Variants in FAT3 observed in about 807,000 individuals in gnomAD.
FAT3 encodes the protein FAT atypical cadherin 3, also known as protocadherin Fat 3.
Under a neutral mutation model 310.2 loss-of-function variants are expected in FAT3, and 95 were observed. That is an observed-to-expected ratio of 0.31 (90% confidence interval 0.26 to 0.36). The LOEUF (loss-of-function observed/expected upper bound fraction) is 0.36, where lower values mean the gene tolerates loss of function less well. Among genes scored for constraint, FAT3 ranks in the 10% least tolerant of loss-of-function variants. The pLI, the probability that FAT3 is intolerant of heterozygous loss-of-function variation, is 1.00. For missense variants in FAT3, 5,408 were observed against 5,715.6 expected (o/e 0.95, Z 1.74); for synonymous variants, 2,314 against 2,192.9 (o/e 1.06, Z -1.54).
intron 24 of FAT3, among the ~76,000 whole-genome samples, chr11:92,885,918 C>G (rs561368465): frequency 6.6e-6 from 1 of 152,222 alleles, no homozygotes; most frequent in Admixed American, 6.5e-5. Context: ...CCTGTGGCCT[C>G]AGCCTCTGAC....
At chr11:92,306,717 T>TATATATATAA (rs1228836595) in intron 1 of FAT3, among the ~76,000 whole-genome samples, 3 of 119,778 alleles carry the variant, frequency 2.5e-5, no homozygotes, top group Non-Finnish European at 5.0e-5. Flanking sequence ...TATATATATT[T>TATATATATAA]ATATATTATA....
intron 3 of FAT3, among the ~76,000 whole-genome samples, chr11:92,584,422 G>A (rs553382724): frequency 1.3e-5 from 2 of 152,098 alleles, no homozygotes; most frequent in African/African-American, 2.4e-5. Flanking sequence ...TTTTGAGTTG[G>A]CATTTTAGCT....
chr11:92,521,490 T>C (rs1046676353), intron 2 of FAT3, among the ~76,000 whole-genome samples: 2 of 150,406 alleles, frequency 1.3e-5, no homozygotes, highest in East Asian at 3.9e-4. Flanking sequence ...TTGGTTCACA[T>C]AGATTTAACA....
At chr11:92,431,244 C>G (rs1950765901) in intron 2 of FAT3, among the ~76,000 whole-genome samples, 1 of 152,194 alleles carries the variant, frequency 6.6e-6, no homozygotes, top group Non-Finnish European at 1.5e-5. Context: ...TTTTGATTTG[C>G]ATTTCTCTGA....
chr11:92,662,493 T>C (rs376866764), intron 3 of FAT3, among the ~76,000 whole-genome samples: 4 of 152,208 alleles, frequency 2.6e-5, no homozygotes, highest in African/African-American at 9.7e-5. Context: ...ACAACTGAGG[T>C]TACAGCCTGG....
chr11:92,796,131 C>T (rs987689117), intron 9 of FAT3, among the ~76,000 whole-genome samples: 3 of 151,724 alleles, frequency 2.0e-5, no homozygotes, highest in African/African-American at 7.3e-5. Flanking sequence ...GGAAGGTGAC[C>T]ATTGCTTAGG....
chr11:92,885,418 G>A lies in FAT3; in HGVS notation c.12938-1582G>A, dbSNP rs143352351. On this transcript the variant is annotated intron_variant, in intron 24 of 27. Coordinates refer to ENST00000525166, the MANE Select transcript of FAT3 (RefSeq NM_001367949.2). Reference sequence around the variant, plus strand: ...GTGCTCTTACCAGCACTGTTCTTGGGAGCTTTGGCAGGAAGGAGGGTGAGC... The same window carrying A: ...GTGCTCTTACCAGCACTGTTCTTGGAAGCTTTGGCAGGAAGGAGGGTGAGC... Among the ~76,000 whole-genome samples, 659 of 152,268 alleles carry A rather than the reference G, an allele frequency of 4.3e-3. 6 individuals carry two copies. The highest frequency in any genetic ancestry group is 7.5e-3 in the Admixed American group (114 of 15,298).
chr11:92,534,169 A>C (rs1364121153), intron 3 of FAT3, among the ~76,000 whole-genome samples: 1 of 152,046 alleles, frequency 6.6e-6, no homozygotes, highest in Non-Finnish European at 1.5e-5. Context: ...ATCAAGTATG[A>C]AGGGATGGTG....
intron 2 of FAT3, among the ~76,000 whole-genome samples, chr11:92,452,530 A>G (rs930120873): frequency 5.9e-5 from 9 of 152,146 alleles, no homozygotes; most frequent in African/African-American, 1.9e-4. Context: ...GGTAGAGAAT[A>G]TGGCAGAGAA....
intron 7 of FAT3, among the ~76,000 whole-genome samples, chr11:92,780,038 T>A (rs74872091): frequency 6.6e-6 from 1 of 152,048 alleles, no homozygotes. Flanking sequence ...GGGGCAGTCA[T>A]CCCCAGAGCT....
At chr11:92,457,567 A>T (rs771716904) in intron 2 of FAT3, among the ~76,000 whole-genome samples, 44 of 152,224 alleles carry the variant, frequency 2.9e-4, no homozygotes, top group Non-Finnish European at 4.7e-4. Context: ...AAAAATCACC[A>T]TATCCAAATT....
chr11:92,621,317 T>A (rs1008463313), intron 3 of FAT3, among the ~76,000 whole-genome samples: 1 of 152,232 alleles, frequency 6.6e-6, no homozygotes, highest in African/African-American at 2.4e-5. Flanking sequence ...ATTTATATTA[T>A]GCAGAAGGTG....
chr11:92,613,623 A>C (rs904245061), intron 3 of FAT3, among the ~76,000 whole-genome samples: 1 of 152,118 alleles, frequency 6.6e-6, no homozygotes, highest in Non-Finnish European at 1.5e-5. Context: ...CCCATCTTCT[A>C]GCCTCTGTTT....
intron 3 of FAT3, among the ~76,000 whole-genome samples, chr11:92,578,453 A>G (rs904737481): frequency 5.3e-5 from 8 of 152,106 alleles, no homozygotes; most frequent in Non-Finnish European, 1.2e-4. Context: ...AAACATAGGG[A>G]ACATAAGTAA....
rs1382204927 is a variant in FAT3, at chr11:92,882,960, G to C, written c.12504G>C (p.Leu4168=). The change falls in exon 24 of 28, where the codon CTG becomes CTC. Residue 4168 remains leucine, a synonymous_variant. Transcript: ENST00000525166. ...IAVVLFVIFI[L]VVLFIVFRKK... is the part of the protein sequence containing the mutation. ...TGGTCCTCTTCGTCATCTTCATCCT[G>C]GTGGTTCTCTTCATAGTCTTCCGCA... The C allele has an allele frequency of 6.2e-7, 1 of 1,613,822 alleles. No individual in the cohort carries two copies. The highest frequency in any genetic ancestry group is 8.5e-7 in the Non-Finnish European group (1 of 1,179,804).
intron 18 of FAT3, among the ~76,000 whole-genome samples, chr11:92,842,729 A>G (rs1188203149): frequency 6.6e-6 from 1 of 152,128 alleles, no homozygotes; most frequent in African/African-American, 2.4e-5. Flanking sequence ...ACAAAAAAAA[A>G]GTAGCCTGGT....
chr11:92,371,925 G>T (rs900398073), intron 2 of FAT3, among the ~76,000 whole-genome samples: 1 of 152,306 alleles, frequency 6.6e-6, no homozygotes, highest in Admixed American at 6.5e-5. Flanking sequence ...TGAGGAAAAA[G>T]AAGTCATATG....
intron 2 of FAT3, among the ~76,000 whole-genome samples, chr11:92,382,840 T>G (rs771141573): frequency 3.9e-5 from 6 of 152,196 alleles, no homozygotes; most frequent in Non-Finnish European, 8.8e-5. Flanking sequence ...TTCTTCAAAT[T>G]TTATTTTAAG....
intron 7 of FAT3, among the ~76,000 whole-genome samples, chr11:92,779,530 T>TA (rs368043543): frequency 7.2e-5 from 11 of 151,738 alleles, no homozygotes; most frequent in South Asian, 2.1e-4. Flanking sequence ...TGAAATAGAT[T>TA]AAAAAAAACC....
Sources: gnomAD v4.1 joint callset for allele counts (sites outside exome capture counted in the v4.1 genomes callset) on GRCh38, gnomAD v4.1.1 for gene constraint, MANE v1.5 for transcripts, NCBI Gene and HGNC (gene_info 2026-07-23, HGNC 2026-07-21) for gene names.